Variants in CBFA2T3 observed in about 807,000 individuals in gnomAD.
CBFA2T3 encodes the protein transcriptional corepressor CBFA2T3.
CBFA2T3 carries 31 observed loss-of-function variants against 58.6 expected under a neutral mutation model. The observed-to-expected ratio is 0.53, with a 90% CI of 0.40 to 0.71. The LOEUF is 0.71. CBFA2T3 is among the 30% of genes least tolerant of loss of function. The pLI is 0.00. For missense variants in CBFA2T3, 1,076 were observed against 963.1 expected (o/e 1.12, Z -1.55); for synonymous variants, 531 against 421.9 (o/e 1.26, Z -3.17).
intron 2 of CBFA2T3, among the ~76,000 whole-genome samples, chr16:88,900,442 G>T (rs548286608): frequency 1.4e-4 from 21 of 152,348 alleles, no homozygotes; most frequent in African/African-American, 5.0e-4. Flanking sequence ...GCAGAGCCAG[G>T]GAGGGAGCCA....
In CBFA2T3 at chr16:88,940,977, G is replaced by C. The variant is rs577779716; in HGVS notation, c.151+35680C>G. On this transcript the variant is annotated intron_variant, in intron 1 of 11. Coordinates refer to ENST00000268679, the MANE Select transcript of CBFA2T3 (RefSeq NM_005187.6). ...GGGAACGGCAGCCGCGGGCGGAGTC[G>C]GGGTAGAGCGGCGGCGGCGCGCGGG... 6.5e-5 allele frequency: 60 copies of C among 917,758 alleles called. No individual in the cohort carries two copies. In the South Asian group the frequency reaches 2.7e-3, roughly 41 times the overall value. 56.9% of individuals were successfully genotyped at this position (917,758 alleles called of 1,614,324 possible).
At chr16:88,904,879 G>C (rs1366401940) in intron 1 of CBFA2T3, among the ~76,000 whole-genome samples, 4 of 152,224 alleles carry the variant, frequency 2.6e-5, no homozygotes, top group African/African-American at 9.6e-5. Flanking sequence ...CCAGGTGACA[G>C]GAAGATGACG....
chr16:88,952,960 ACGG>A (rs1369626517), intron 1 of CBFA2T3, among the ~76,000 whole-genome samples: 3 of 146,336 alleles, frequency 2.1e-5, no homozygotes, highest in South Asian at 2.3e-4. Flanking sequence ...CTGTGTCGAG[ACGG>A]CATGTCCAGG....
chr16:88,914,264 C>G (rs1970618655), intron 1 of CBFA2T3, among the ~76,000 whole-genome samples: 1 of 152,220 alleles, frequency 6.6e-6, no homozygotes, highest in Non-Finnish European at 1.5e-5. Flanking sequence ...GGAATGGTGG[C>G]CACCCTGACA....
At position 88,918,313 on chromosome 16, in the gene CBFA2T3, G is replaced by C. The variant is rs546994860; in HGVS notation, c.152-16657C>G. Among the ~76,000 whole-genome samples, 564 of 152,370 alleles carry C rather than the reference G, an allele frequency of 3.7e-3. 1 individual carries two copies. The highest frequency in any genetic ancestry group is 0.013 in the African/African-American group (540 of 41,582). ...GCAGGCCGGGGGTGAAGGGAGGCCT[G>C]GGAGAAGACCCCACCATGGCCTGGG... On this transcript the variant is annotated intron_variant, in intron 1 of 11. Coordinates refer to ENST00000268679, the MANE Select transcript of CBFA2T3 (RefSeq NM_005187.6).
chr16:88,906,620 A>C (rs961621429), intron 1 of CBFA2T3, among the ~76,000 whole-genome samples: 1 of 152,200 alleles, frequency 6.6e-6, no homozygotes, highest in Non-Finnish European at 1.5e-5. Flanking sequence ...GGCAGAATAG[A>C]GAAGTGGCAG....
chr16:88,882,619 T>G (rs553641015), intron 8 of CBFA2T3, 57 bp downstream of exon 8: 50 of 1,100,930 alleles, frequency 4.5e-5, no homozygotes, highest in South Asian at 4.0e-4. Flanking sequence ...GCTGTGTGTG[T>G]GCGTGGCTGT....
intron 1 of CBFA2T3, among the ~76,000 whole-genome samples, chr16:88,918,939 T>A (rs1970826525): frequency 6.6e-6 from 1 of 152,256 alleles, no homozygotes; most frequent in African/African-American, 2.4e-5. Flanking sequence ...GTAACTTCTC[T>A]TAGAAGCAAA....
At chr16:88,931,536 C>A (rs1352255436) in intron 1 of CBFA2T3, among the ~76,000 whole-genome samples, 1 of 152,126 alleles carries the variant, frequency 6.6e-6, no homozygotes, top group Non-Finnish European at 1.5e-5. Context: ...CGTGGGCCGG[C>A]CCCGTGGACG....
intron 1 of CBFA2T3, among the ~76,000 whole-genome samples, chr16:88,906,831 C>A (rs866431395): frequency 6.6e-6 from 1 of 152,208 alleles, no homozygotes; most frequent in Admixed American, 6.5e-5. Flanking sequence ...GGAGATTAAA[C>A]GGTCCCGATG....
At chr16:88,899,024 G>A (rs1969999957) in intron 2 of CBFA2T3, among the ~76,000 whole-genome samples, 6 of 152,100 alleles carry the variant, frequency 3.9e-5, no homozygotes, top group Admixed American at 2.6e-4. Context: ...AGCTTTAGAG[G>A]AGCTTGGTCT....
chr16:88,896,753 G>A (rs1028428127), intron 3 of CBFA2T3, among the ~76,000 whole-genome samples: 5 of 152,146 alleles, frequency 3.3e-5, no homozygotes, highest in South Asian at 2.1e-4. Flanking sequence ...CTTCTCAGAC[G>A]CGCCACAGTG....
intron 5 of CBFA2T3, among the ~76,000 whole-genome samples, chr16:88,888,607 G>GGGGTGT (rs1969495806): frequency 9.9e-6 from 1 of 100,966 alleles, no homozygotes; most frequent in Non-Finnish European, 2.1e-5. Flanking sequence ...GTGGGTGGGA[G>GGGGTGT]GGGTGGGGTG....
At chr16:88,927,881 G>A (rs1321706341) in intron 1 of CBFA2T3, among the ~76,000 whole-genome samples, 3 of 152,180 alleles carry the variant, frequency 2.0e-5, no homozygotes, top group Admixed American at 6.5e-5. Flanking sequence ...AAGGCGCCTC[G>A]TGACACGCTG....
rs116429647 is a variant in CBFA2T3, at chr16:88,899,046, C to G, written c.305-894G>C. ...GAGGAGCTTGGTCTGGGTCCCTGCTCCTTATATGCCTTCCCCCTCCCCACC... is the reference window on the plus strand; with the variant it reads ...GAGGAGCTTGGTCTGGGTCCCTGCTGCTTATATGCCTTCCCCCTCCCCACC... On this transcript the variant is annotated intron_variant, in intron 2 of 11. Transcript: ENST00000268679. Among the ~76,000 whole-genome samples, 333 of 151,862 alleles carry G rather than the reference C, an allele frequency of 2.2e-3. 1 individual carries two copies. The highest frequency in any genetic ancestry group is 7.5e-3 in the African/African-American group (310 of 41,404).
rs12918563 is a variant in CBFA2T3, at chr16:88,975,200, T to C, written c.151+1457A>G. 6.7e-3 allele frequency among the ~76,000 whole-genome samples: 644 copies of C among 96,522 alleles called. 3 individuals are homozygous for C. The highest frequency in any genetic ancestry group is 0.02 in the Middle Eastern group (3 of 150). 63.3% of individuals were successfully genotyped at this position (96,522 alleles called of 152,430 possible). Reference sequence around the variant, plus strand: ...TCCACATCTTTAGCCATGTCAGAGGTCCACCCTGACCCTCTGCTCCTCACC... The same window carrying C: ...TCCACATCTTTAGCCATGTCAGAGGCCCACCCTGACCCTCTGCTCCTCACC... On this transcript the variant is annotated intron_variant, in intron 1 of 11. Transcript: ENST00000268679.
chr16:88,912,220 G>A (rs1249515912), intron 1 of CBFA2T3, among the ~76,000 whole-genome samples: 1 of 152,240 alleles, frequency 6.6e-6, no homozygotes, highest in Non-Finnish European at 1.5e-5. Context: ...AGAGAAGAAA[G>A]CCTCCCTCAT....
At chr16:88,878,830 C>T (rs998549224) in intron 11 of CBFA2T3, among the ~76,000 whole-genome samples, 2 of 152,208 alleles carry the variant, frequency 1.3e-5, no homozygotes, top group Non-Finnish European at 2.9e-5. Flanking sequence ...CCTGTAATCC[C>T]AGCTACTTGG....
rs1366632267 is a variant in CBFA2T3 at position 88,880,744 on chromosome 16, G to C, written c.1447C>G (p.Pro483Ala). Residue 483 changes from proline (P) to alanine (A), a missense_variant, in exon 10 of 12, where the codon CCT becomes GCT. Physicochemically the swap from Pro to Ala is conservative, Grantham distance 27. Coordinates refer to ENST00000268679, the MANE Select transcript of CBFA2T3 (RefSeq NM_005187.6). ...FLPRTLTGYV[P>A]EDIWRKAEEA... ...CCAGCCTTCCTCCAGATGTCCTCAG[G>C]CACGTAGCCGGTGAGGGTCCTCGGC... The C allele has an allele frequency of 6.3e-7, 1 of 1,576,138 alleles. No individual in the cohort carries two copies. The highest frequency in any genetic ancestry group is 2.3e-5 in the East Asian group (1 of 42,848).
Sources: allele counts gnomAD v4.1 joint callset (sites outside exome capture counted in the v4.1 genomes callset), GRCh38; gene constraint gnomAD v4.1.1; transcripts MANE v1.5; gene names NCBI Gene and HGNC (gene_info 2026-07-23, HGNC 2026-07-21).